Variants in UBAP2 observed in about 807,000 individuals in gnomAD.
UBAP2 encodes the protein ubiquitin associated protein 2, also known as ubiquitin-associated protein 2.
UBAP2 carries 75 observed loss-of-function variants against 139.6 expected under a neutral mutation model. The observed-to-expected ratio is 0.54, with a 90% CI of 0.45 to 0.65. The LOEUF is 0.65. Among genes scored for constraint, UBAP2 ranks in the 30% least tolerant of loss-of-function variants. The pLI, the probability that UBAP2 is intolerant of heterozygous loss-of-function variation, is 0.00. For synonymous variants in UBAP2, 526 were observed against 526.2 expected (o/e 1.00, Z 0.01); for missense variants, 1,368 against 1,369.6 (o/e 1.00, Z 0.02).
chr9:33,929,514 G>C (rs1823774607), intron 19 of UBAP2, among the ~76,000 whole-genome samples: 1 of 152,140 alleles, frequency 6.6e-6, no homozygotes, highest in South Asian at 2.1e-4. Context: ...AAGATGCTAA[G>C]ATTTCCTTTA....
chr9:34,039,159 G>A (rs1167054530), intron 1 of UBAP2, among the ~76,000 whole-genome samples: 3 of 150,672 alleles, frequency 2.0e-5, no homozygotes, highest in Admixed American at 6.6e-5. Context: ...GGCAGCCTCC[G>A]CCCAGCCAGC....
intron 1 of UBAP2, among the ~76,000 whole-genome samples, chr9:34,040,648 G>C (rs1362013658): frequency 6.6e-6 from 1 of 152,136 alleles, no homozygotes; most frequent in African/African-American, 2.4e-5. Flanking sequence ...GTTCATGAAA[G>C]ATATATCTAG....
chr9:33,965,705 C>T (rs1178507470), intron 8 of UBAP2, among the ~76,000 whole-genome samples: 2 of 152,138 alleles, frequency 1.3e-5, no homozygotes, highest in South Asian at 2.1e-4. Flanking sequence ...AACTACTATG[C>T]TATTGATTTA....
At chr9:33,981,555 C>T (rs1382349242) in intron 6 of UBAP2, among the ~76,000 whole-genome samples, 1 of 149,394 alleles carries the variant, frequency 6.7e-6, no homozygotes, top group Non-Finnish European at 1.5e-5. Context: ...AAGCCTGCTA[C>T]ATTGTCCACT....
chr9:33,953,981 A>G (rs1409618437), intron 11 of UBAP2, among the ~76,000 whole-genome samples: 2 of 151,566 alleles, frequency 1.3e-5, no homozygotes, highest in Non-Finnish European at 2.9e-5. Flanking sequence ...ACCCTGGCTC[A>G]CTGCAACCTC....
chr9:34,020,836 ATTTT>A (rs1264594293), intron 1 of UBAP2, among the ~76,000 whole-genome samples: 1 of 150,462 alleles, frequency 6.6e-6, no homozygotes, highest in South Asian at 2.1e-4. Flanking sequence ...ATTTTTTTGT[ATTTT>A]TTTAGTAGAG....
intron 1 of UBAP2, among the ~76,000 whole-genome samples, chr9:34,040,165 A>G (rs1826934959): frequency 6.6e-6 from 1 of 151,442 alleles, no homozygotes; most frequent in East Asian, 1.9e-4. Context: ...GTCTCAAAAA[A>G]AAAAAAAAAT....
chr9:33,927,899 T>G lies in UBAP2; in HGVS notation c.2269A>C (p.Ser757Arg). 1.2e-6 allele frequency: 2 copies of G among 1,614,226 alleles called. No individual in the cohort carries two copies. The highest frequency in any genetic ancestry group is 1.7e-6 in the Non-Finnish European group (2 of 1,180,032). Reference protein sequence around the residue: ...SVSSSASSGASLSSSMNTANS... With the variant: ...SVSSSASSGARLSSSMNTANS... ...GCGGTGTTCATGCTACTGGACAGGC[T>G]GGCGCCTGAGGATGCGGAACTTGAG... The change falls in exon 20 of 29, where the codon AGC becomes CGC. Residue 757 changes from serine (S) to arginine (R), a missense_variant. By Grantham distance (110) the Ser-to-Arg change is moderately radical (BLOSUM62 -1). Coordinates refer to ENST00000379238, the MANE Select transcript of UBAP2 (RefSeq NM_001370062.2).
intron 1 of UBAP2, among the ~76,000 whole-genome samples, chr9:34,027,338 A>G (rs1587683445): frequency 1.3e-5 from 2 of 152,118 alleles, no homozygotes. Context: ...AAAATAAGCC[A>G]GGTGTGGTGG....
chr9:33,929,981 G>A (rs1010157370), intron 19 of UBAP2, among the ~76,000 whole-genome samples: 5 of 151,982 alleles, frequency 3.3e-5, no homozygotes, highest in Admixed American at 6.6e-5. Flanking sequence ...TCCAGCCTAG[G>A]CCACAAGAGT....
At chr9:34,018,013 TTAAG>T (rs745414400) in intron 1 of UBAP2, among the ~76,000 whole-genome samples, 1 of 152,072 alleles carries the variant, frequency 6.6e-6, no homozygotes, top group Non-Finnish European at 1.5e-5. Flanking sequence ...AAGCACATAA[TTAAG>T]TATGTCATCA....
rs575463604 is a variant in UBAP2, at chr9:33,930,305, G to A, written c.2175+2257C>T. 1.1e-4 allele frequency among the ~76,000 whole-genome samples: 16 copies of A among 151,894 alleles called. No individual in the cohort carries two copies. In the South Asian group the frequency reaches 1.5e-3, roughly 14 times the overall value. On this transcript the variant is annotated intron_variant, in intron 19 of 28. Transcript: ENST00000379238. The stretch of plus-strand genomic sequence containing the variant: ...TAAATGCCTTGCTGTTCCACATCAC[G>A]TACTGACCCGCTACATACAGCTATA...
chr9:34,014,123 G>C (rs1430652035), intron 2 of UBAP2, among the ~76,000 whole-genome samples: 1 of 151,638 alleles, frequency 6.6e-6, no homozygotes, highest in Non-Finnish European at 1.5e-5. Context: ...TCAGGAGTTT[G>C]AGACCAGCCT....
chr9:34,014,814 T>C (rs185934059), intron 2 of UBAP2, among the ~76,000 whole-genome samples: 1 of 152,014 alleles, frequency 6.6e-6, no homozygotes, highest in East Asian at 1.9e-4. Flanking sequence ...GCAAACTTTT[T>C]CCTAAGTAAA....
At chr9:33,950,840 A>G (rs2130963160) in intron 12 of UBAP2, among the ~76,000 whole-genome samples, 2 of 152,362 alleles carry the variant, frequency 1.3e-5, no homozygotes, top group Middle Eastern at 6.8e-3. Flanking sequence ...AGGCCTCTTA[A>G]GTCCACCTAC....
intron 1 of UBAP2, among the ~76,000 whole-genome samples, chr9:34,035,514 A>AAAATATATATATATATATATATAT: frequency 1.3e-3 from 29 of 22,446 alleles, no homozygotes; most frequent in African/African-American, 1.5e-3. Flanking sequence ...AAAAAAAAAA[A>AAAATATATATATATATATATATAT]ATATATATAT....
chr9:33,926,753 G>C, intron 21 of UBAP2, 89 bp from the exon 22 acceptor site: 1 of 1,392,640 alleles, frequency 7.2e-7, no homozygotes, highest in Non-Finnish European at 1.0e-6. Flanking sequence ...CAAGGTTGGG[G>C]GGCTCTAACA....
intron 13 of UBAP2, among the ~76,000 whole-genome samples, chr9:33,947,857 T>C (rs996968294): frequency 6.7e-6 from 1 of 149,704 alleles, no homozygotes; most frequent in East Asian, 2.0e-4. Flanking sequence ...TAGAGTAAAA[T>C]ATTGTCTAGG....
At position 34,016,370 on chromosome 9, in the gene UBAP2, C is replaced by CGGCGGCGGCGGCGGCGGCGGTGGT. The variant is rs1321174650; in HGVS notation, c.99+679_99+680insACCACCGCCGCCGCCGCCGCCGCC. Among the ~76,000 whole-genome samples the CGGCGGCGGCGGCGGCGGCGGTGGT allele has an allele frequency of 3.4e-4, 32 of 93,734 alleles. 2 individuals carry two copies. Among genetic ancestry groups the CGGCGGCGGCGGCGGCGGCGGTGGT allele is most frequent in the African/African-American group, 1.5e-3 (31 of 20,546 alleles). The allele number at this position is 93,734 out of a possible 152,430, so 61.5% of individuals were successfully genotyped here. A position where few individuals can be genotyped will look rare whatever the true frequency, so the allele number is the denominator to read the frequency against. ...GAGGAGGCAGCAGCGGCGGCAGCGG[C>CGGCGGCGGCGGCGGCGGCGGTGGT]GGTGGTGGTGGTGGTGGTGGTGGTG... On this transcript the variant is annotated intron_variant, in intron 2 of 28. Transcript: ENST00000379238.
Sources: allele counts gnomAD v4.1 joint callset (sites outside exome capture counted in the v4.1 genomes callset), GRCh38; gene constraint gnomAD v4.1.1; transcripts MANE v1.5; gene names NCBI Gene and HGNC (gene_info 2026-07-23, HGNC 2026-07-21).